MMP10: variants seen among roughly 807,000 people sequenced by gnomAD.
MMP10 encodes matrix metallopeptidase 10, also known as stromelysin-2.
MMP10 carries 50 observed loss-of-function variants against 49.1 expected under a neutral mutation model. The ratio of observed to expected loss-of-function variants is 1.02; its 90% CI spans 0.81 to 1.29. MMP10 has a LOEUF of 1.29. Among genes scored for constraint, MMP10 ranks in the 50% most tolerant of loss-of-function variants. The pLI is 0.00. For missense variants in MMP10, 613 were observed against 563.8 expected (o/e 1.09, Z -0.88); for synonymous variants, 229 against 201.6 (o/e 1.14, Z -1.15).
At position 102,776,820 on chromosome 11, in the gene MMP10, T is replaced by A. The variant is rs1177693021; in HGVS notation, c.623-44A>T. ...TGTTCAGAATTCACCAGCTCTTTCT[T>A]CCATAAATACACATACAGAACATAT... On this transcript the variant is annotated intron_variant, in intron 4 of 9. Transcript: ENST00000279441. 22 of 1,610,854 alleles carry A rather than the reference T, an allele frequency of 1.4e-5. No individual in the cohort carries two copies. The East Asian group carries it at 4.2e-4, about 31-fold the overall frequency.
Position 102,772,080 on chromosome 11 carries a change from A to T in MMP10, c.1262T>A (p.Phe421Tyr). The T allele has an allele frequency of 6.2e-7, 1 of 1,613,610 alleles. No individual in the cohort carries two copies. The highest frequency in any genetic ancestry group is 8.5e-7 in the Non-Finnish European group (1 of 1,179,732). ...DENSQSMEQG[F>Y]PRLIADDFPG... ...AAAGTCATCAGCTATTAGTCTAGGG[A>T]AGCCTTGCTCCATGGACTGGCTATT... The change falls in exon 9 of 10, where the codon TTC becomes TAC. Residue 421 changes from phenylalanine (F) to tyrosine (Y), a missense_variant. By Grantham distance (22) the Phe-to-Tyr change is conservative (BLOSUM62 3). Coordinates refer to ENST00000279441, the MANE Select transcript of MMP10 (RefSeq NM_002425.3). This position sits in a 1 kb window ranked among gnomAD's most constrained non-coding sequence, Gnocchi z 4.4.
chr11:102,776,239 A>G, intron 6 of MMP10, 41 bp downstream of exon 6: 2 of 1,573,488 alleles, frequency 1.3e-6, no homozygotes, highest in Admixed American at 1.8e-5. Flanking sequence ...AGCACTGTAC[A>G]TCAAAAGAAT....
intron 6 of MMP10, among the ~76,000 whole-genome samples, chr11:102,775,934 G>T (rs1434052960): frequency 6.6e-6 from 1 of 152,054 alleles, no homozygotes; most frequent in East Asian, 1.9e-4. Context: ...TAGGGACCAA[G>T]AATCATCCCT....
intron 4 of MMP10, among the ~76,000 whole-genome samples, chr11:102,778,167 C>T (rs7938449): frequency 0.018 from 2,783 of 152,166 alleles, 73 homozygotes; most frequent in African/African-American, 0.057. Flanking sequence ...GAAAAGATGA[C>T]CTAACAGTTT....
rs1857796976 is a variant in MMP10 at position 102,779,623 on chromosome 11, C to T, written c.228G>A (p.Gly76=). 2 of 1,613,954 alleles carry T rather than the reference C, an allele frequency of 1.2e-6. No homozygotes were observed. Among genetic ancestry groups the T allele is most frequent in the African/African-American group, 1.3e-5 (1 of 74,904 alleles). ...MQKFLGLEVT[G]KLDTDTLEVM... is the part of the protein sequence containing the mutation. ...CCTCCAGAGTGTCAGTGTCTAGCTTCCCTGTCACCTCCAACCCAAGGAACT... is the reference window on the plus strand; with the variant it reads ...CCTCCAGAGTGTCAGTGTCTAGCTTTCCTGTCACCTCCAACCCAAGGAACT... Residue 76 remains glycine (G), a synonymous_variant, in exon 2 of 10, where the codon GGG becomes GGA. Transcript: ENST00000279441.
rs780242353 is a variant in MMP10, at chr11:102,776,622, C to G, written c.777G>C (p.Gln259His). 2 of 1,612,966 alleles carry G rather than the reference C, an allele frequency of 1.2e-6. No homozygotes were observed. The highest frequency in any genetic ancestry group is 1.7e-5 in the Admixed American group (1 of 59,640). ...TCCAGCATCACTCACCGTAGAGAGA[C>G]TGAATGCCATTCACATCATCTTGCG... ...RLSQDDVNGI[Q>H]SLYGPPPAST... is the part of the protein sequence containing the mutation. The change falls in exon 5 of 10, where the codon CAG (glutamine) becomes CAC (histidine). Residue 259 changes from glutamine (Q) to histidine (H), a missense_variant. By Grantham distance (24) the Gln-to-His change is conservative. Transcript: ENST00000279441.
intron 7 of MMP10, among the ~76,000 whole-genome samples, chr11:102,774,634 G>T (rs1293151682): frequency 6.6e-6 from 1 of 152,244 alleles, no homozygotes; most frequent in East Asian, 1.9e-4. Flanking sequence ...TAACAAAACT[G>T]ACTCAAGAAG....
chr11:102,780,436 T>C, intron 1 of MMP10, 51 bp downstream of exon 1: 1 of 1,472,016 alleles, frequency 6.8e-7, no homozygotes, highest in Non-Finnish European at 9.5e-7. Flanking sequence ...GAAGACCAAG[T>C]AGACACAATT....
At chr11:102,777,225 A>G (rs1292208495) in intron 4 of MMP10, among the ~76,000 whole-genome samples, 1 of 152,210 alleles carries the variant, frequency 6.6e-6, no homozygotes. Flanking sequence ...TCAAACTTTT[A>G]AGCCAGAAGA....
At chr11:102,777,592 A>C (rs1041290750) in intron 4 of MMP10, among the ~76,000 whole-genome samples, 1 of 152,144 alleles carries the variant, frequency 6.6e-6, no homozygotes, top group Non-Finnish European at 1.5e-5. Context: ...AAATCTTCCC[A>C]GTAATAGGTG....
At chr11:102,776,210 G>C in intron 6 of MMP10, 70 bp downstream of exon 6, 3 of 1,415,458 alleles carry the variant, frequency 2.1e-6, no homozygotes, top group Non-Finnish European at 2.9e-6. Context: ...GCTCTGTCAA[G>C]TTTCTGTTTT....
chr11:102,776,201 C>T (rs2134350085), intron 6 of MMP10, 79 bp downstream of exon 6: 3 of 1,321,810 alleles, frequency 2.3e-6, no homozygotes, highest in East Asian at 4.7e-5. Context: ...AAAAAAAAAG[C>T]TCTGTCAAGT....
chr11:102,775,374 A>G, intron 6 of MMP10, 53 bp from the exon 7 acceptor site: 1 of 1,484,042 alleles, frequency 6.7e-7, no homozygotes, highest in Non-Finnish European at 9.1e-7. Flanking sequence ...ATATGTGAAA[A>G]AAAAATTCTT....
At chr11:102,773,243 TG>T (rs1450370938) in intron 7 of MMP10, among the ~76,000 whole-genome samples, 1 of 152,232 alleles carries the variant, frequency 6.6e-6, no homozygotes, top group Non-Finnish European at 1.5e-5. Flanking sequence ...TGTATCTATA[TG>T]TTATAGTTTA....
At chr11:102,780,044 A>G (rs1027570764) in intron 1 of MMP10, among the ~76,000 whole-genome samples, 12 of 152,214 alleles carry the variant, frequency 7.9e-5, no homozygotes, top group African/African-American at 2.9e-4. Flanking sequence ...AACCTTTTCT[A>G]CTTACATTGT....
intron 7 of MMP10, 123 bp from the exon 8 acceptor site, chr11:102,773,129 ACAGCCAGTC>A: frequency 1.3e-6 from 1 of 791,038 alleles, no homozygotes; most frequent in Non-Finnish European, 1.9e-6. Context: ...TGTCCAGTTC[ACAGCCAGTC>A]CTTAATAAAT....
rs1861984740 is a variant in MMP10 at position 102,772,470 on chromosome 11, T to C, written c.1227-355A>G. Among the ~76,000 whole-genome samples, 1 of 152,184 alleles carries C rather than the reference T, an allele frequency of 6.6e-6. No homozygotes were observed. The highest frequency in any genetic ancestry group is 2.4e-5 in the African/African-American group (1 of 41,446). The stretch of plus-strand genomic sequence containing the variant: ...TAATGAATTCATAATGCAAAATTAA[T>C]TAAATCACTTAGCTAAAAATAAACC... On this transcript the variant is annotated intron_variant, in intron 8 of 9. Transcript: ENST00000279441. The surrounding 1 kb of genome is among the most constrained non-coding windows in gnomAD (Gnocchi z 4.4).
In MMP10 at chr11:102,779,388, T is replaced by C. The variant is rs746046649; in HGVS notation, c.348-27A>G. 2.5e-6 allele frequency: 4 copies of C among 1,612,198 alleles called. No individual in the cohort carries two copies. The South Asian group carries it at 4.4e-5, about 18-fold the overall frequency. On this transcript the variant is annotated intron_variant, in intron 2 of 9. Transcript: ENST00000279441. ...TGGAGGAGAAAAATTGAAGAGGATG[T>C]TATTTTCTCCTGCCTTTATGAAAAA... is the stretch of plus-strand genomic sequence containing the variant.
chr11:102,780,337 T>G (rs1414098159), intron 1 of MMP10, 150 bp downstream of exon 1: 2 of 642,450 alleles, frequency 3.1e-6, no homozygotes, highest in Middle Eastern at 5.2e-4. Flanking sequence ...AACATAAAAA[T>G]AATTTCCACC....
Sources: gnomAD v4.1 joint callset for allele counts (sites outside exome capture counted in the v4.1 genomes callset) on GRCh38, gnomAD v4.1.1 for gene constraint, Gnocchi (gnomAD v3.1) non-coding constraint, MANE v1.5 for transcripts, NCBI Gene and HGNC (gene_info 2026-07-23, HGNC 2026-07-21) for gene names.